PTPRD: variants seen among roughly 807,000 people sequenced by gnomAD.
PTPRD encodes receptor-type tyrosine-protein phosphatase delta.
A neutral mutation model predicts 214.5 loss-of-function variants in PTPRD; 34 were observed. The ratio of observed to expected loss-of-function variants is 0.16; its 90% CI spans 0.12 to 0.21. The LOEUF is 0.21. Ranked by LOEUF, PTPRD falls within the 10% of genes least tolerant of loss-of-function variation. PTPRD has a pLI of 1.00. For missense variants in PTPRD, 2,545 were observed against 2,398.7 expected (o/e 1.06, Z -1.27); for synonymous variants, 1,128 against 845.7 (o/e 1.33, Z -5.79).
intron 2 of PTPRD, among the ~76,000 whole-genome samples, chr9:10,487,966 GTCTCTC>G (rs56372955): frequency 0.15 from 16,555 of 110,162 alleles, 1,222 homozygotes; most frequent in Non-Finnish European, 0.18. Context: ...AATGAACACA[GTCTCTC>G]TCTCTCTCTC....
chr9:9,506,556 G>C (rs2096575805), intron 8 of PTPRD, among the ~76,000 whole-genome samples: 1 of 151,254 alleles, frequency 6.6e-6, no homozygotes, highest in South Asian at 2.1e-4. Flanking sequence ...ATAATGTCTA[G>C]AAGATAACAG....
At chr9:8,873,332 A>G (rs1402530111) in intron 11 of PTPRD, among the ~76,000 whole-genome samples, 1 of 152,102 alleles carries the variant, frequency 6.6e-6, no homozygotes, top group African/African-American at 2.4e-5. Flanking sequence ...CTTCTGAGTG[A>G]TTATTACCAG....
intron 8 of PTPRD, among the ~76,000 whole-genome samples, chr9:9,431,367 C>G (rs1167847868): frequency 6.6e-6 from 1 of 152,226 alleles, no homozygotes; most frequent in East Asian, 1.9e-4. Context: ...CCATCTCACA[C>G]CAGTTAGAAT....
At chr9:8,344,942 T>C (rs1856119379) in intron 39 of PTPRD, among the ~76,000 whole-genome samples, 1 of 141,966 alleles carries the variant, frequency 7.0e-6, no homozygotes, top group South Asian at 2.2e-4. Context: ...AGTTACTTTC[T>C]AGGTACAAAC....
At chr9:10,119,777 A>G (rs1388603218) in intron 3 of PTPRD, among the ~76,000 whole-genome samples, 2 of 152,072 alleles carry the variant, frequency 1.3e-5, no homozygotes, top group Non-Finnish European at 2.9e-5. Context: ...CTATAAAAGC[A>G]GTCATGTGCA....
chr9:10,486,564 C>T (rs1267438886), intron 2 of PTPRD, among the ~76,000 whole-genome samples: 2 of 151,996 alleles, frequency 1.3e-5, no homozygotes, highest in Admixed American at 6.5e-5. Context: ...TCTTTATTGG[C>T]CCATTGGTAA....
rs71485315 is a variant in PTPRD, at chr9:10,078,514, TAAAAAAAAAAAAAAA to T, written c.-544-44739_-544-44725del. 5.1e-4 allele frequency among the ~76,000 whole-genome samples: 40 copies of T among 78,778 alleles called. No homozygotes were observed. The East Asian group carries it at 0.015, about 29-fold the overall frequency. 51.7% of individuals were successfully genotyped at this position (78,778 alleles called of 152,430 possible). ...CTGGGCGACAGACCAAGACTCCATC[TAAAAAAAAAAAAAAA>T]AAAAAAAAAGAAAGAACCCACCCAT... On this transcript the variant is annotated intron_variant, in intron 3 of 45. Coordinates refer to ENST00000381196, the MANE Select transcript of PTPRD (RefSeq NM_002839.4).
At chr9:8,920,496 A>G (rs1320366776) in intron 11 of PTPRD, among the ~76,000 whole-genome samples, 2 of 152,218 alleles carry the variant, frequency 1.3e-5, no homozygotes, top group East Asian at 1.9e-4. Context: ...AGGGGTATCC[A>G]ATCTTTTGGC....
chr9:10,415,910 G>A (rs903810774), intron 2 of PTPRD, among the ~76,000 whole-genome samples: 1 of 151,852 alleles, frequency 6.6e-6, no homozygotes, highest in Non-Finnish European at 1.5e-5. Context: ...AAGAAATCCA[G>A]AGAGAGAACA....
intron 9 of PTPRD, among the ~76,000 whole-genome samples, chr9:9,263,228 G>A (rs1175001094): frequency 6.6e-6 from 1 of 151,350 alleles, no homozygotes; most frequent in African/African-American, 2.4e-5. Context: ...TTTTTATTAT[G>A]TACTTTAATT....
chr9:9,689,372 T>C (rs1440928766), intron 7 of PTPRD, among the ~76,000 whole-genome samples: 2 of 151,912 alleles, frequency 1.3e-5, no homozygotes, highest in African/African-American at 2.4e-5. Flanking sequence ...ATATGCATTT[T>C]ACTTTTTATT....
chr9:9,512,038 T>C (rs532983419), intron 8 of PTPRD, among the ~76,000 whole-genome samples: 60 of 151,896 alleles, frequency 4.0e-4, no homozygotes, highest in African/African-American at 1.3e-3. Flanking sequence ...TTATGACATA[T>C]TTTGGAAGTA....
At chr9:9,460,649 A>C (rs892326046) in intron 8 of PTPRD, among the ~76,000 whole-genome samples, 4 of 152,068 alleles carry the variant, frequency 2.6e-5, no homozygotes, top group Non-Finnish European at 4.4e-5. Flanking sequence ...AAATAGAATA[A>C]CTATTATTAA....
intron 8 of PTPRD, among the ~76,000 whole-genome samples, chr9:9,524,926 C>A (rs1183987359): frequency 6.6e-6 from 1 of 152,180 alleles, no homozygotes; most frequent in Non-Finnish European, 1.5e-5. Context: ...GGCGCAATCT[C>A]GGCTCACTGC....
At chr9:10,176,402 C>G (rs1236170998) in intron 3 of PTPRD, among the ~76,000 whole-genome samples, 1 of 151,666 alleles carries the variant, frequency 6.6e-6, no homozygotes, top group Non-Finnish European at 1.5e-5. Context: ...AACCAAATCA[C>G]TCAGATTATC....
chr9:9,911,371 T>C (rs958660637), intron 5 of PTPRD, among the ~76,000 whole-genome samples: 2 of 152,060 alleles, frequency 1.3e-5, no homozygotes, highest in Non-Finnish European at 2.9e-5. Context: ...CTTGTTTGAA[T>C]GCAAATGTGC....
At chr9:8,330,206 C>CCA in intron 44 of PTPRD, among the ~76,000 whole-genome samples, 1 of 152,132 alleles carries the variant, frequency 6.6e-6, no homozygotes. Flanking sequence ...TGGGCTGCAC[C>CCA]CACTGTCCAA....
At chr9:9,084,729 T>C (rs2099764514) in intron 10 of PTPRD, among the ~76,000 whole-genome samples, 1 of 152,028 alleles carries the variant, frequency 6.6e-6, no homozygotes, top group Non-Finnish European at 1.5e-5. Context: ...TAGCAAAATG[T>C]GGGCAAGGTG....
Position 8,348,882 on chromosome 9 carries a change from CTA to C in PTPRD, c.4662-6906_4662-6905del, listed in dbSNP as rs554723067. Among the ~76,000 whole-genome samples the C allele has an allele frequency of 1.5e-4, 23 of 152,244 alleles. No homozygotes were observed. In the East Asian group the frequency reaches 4.3e-3, roughly 28 times the overall value. ...CTTGGACTCTTTTGACAATTTATAACTATTTTTTCAGCAACTGCCTTACTTTA... is the reference window on the plus strand; with the variant it reads ...CTTGGACTCTTTTGACAATTTATAACTTTTTTCAGCAACTGCCTTACTTTA... On this transcript the variant is annotated intron_variant, in intron 39 of 45. Transcript: ENST00000381196.
Sources: gnomAD v4.1 joint callset for allele counts (sites outside exome capture counted in the v4.1 genomes callset) on GRCh38, gnomAD v4.1.1 for gene constraint, MANE v1.5 for transcripts, NCBI Gene and HGNC (gene_info 2026-07-23, HGNC 2026-07-21) for gene names.